OXCT1: variants seen among roughly 807,000 people sequenced by gnomAD.
The protein encoded by OXCT1 is succinyl-CoA:3-ketoacid coenzyme A transferase 1, mitochondrial.
In OXCT1, 27 loss-of-function variants were observed where a neutral mutation model predicts 69.6. That is an observed-to-expected ratio of 0.39 (90% CI 0.29 to 0.54). The LOEUF is 0.54. Among genes scored for constraint, OXCT1 ranks in the 20% least tolerant of loss-of-function variants. The probability of loss-of-function intolerance (pLI) is 0.72; values close to 1 mark genes in which losing one functional copy is unlikely to be tolerated. For missense variants in OXCT1, 437 were observed against 650.2 expected, an observed-to-expected ratio of 0.67 and a Z score of 3.57; for synonymous variants, 202 against 217.8, an observed-to-expected ratio of 0.93 and a Z score of 0.64.
chr5:41,845,352 A>G (rs920466203), intron 5 of OXCT1, among the ~76,000 whole-genome samples: 2 of 152,178 alleles, frequency 1.3e-5, no homozygotes, highest in Non-Finnish European at 1.5e-5. Flanking sequence ...GCCAGTGATA[A>G]TTAATTCTCT....
intron 3 of OXCT1, among the ~76,000 whole-genome samples, chr5:41,858,283 A>G (rs1398377651): frequency 1.3e-5 from 2 of 152,224 alleles, no homozygotes; most frequent in Non-Finnish European, 2.9e-5. Context: ...CTTACCTATT[A>G]TCAGACATTG....
intron 9 of OXCT1, among the ~76,000 whole-genome samples, chr5:41,804,195 T>C (rs1023817531): frequency 3.9e-5 from 6 of 152,134 alleles, no homozygotes; most frequent in Non-Finnish European, 2.9e-5. Context: ...CAGTCTAGTA[T>C]AGTGTTATTT....
chr5:41,795,166 T>C (rs1489163881), intron 11 of OXCT1, among the ~76,000 whole-genome samples: 1 of 152,138 alleles, frequency 6.6e-6, no homozygotes, highest in East Asian at 1.9e-4. Flanking sequence ...AGATCCCTCA[T>C]ATGCACAGTT....
intron 13 of OXCT1, among the ~76,000 whole-genome samples, chr5:41,787,884 A>G (rs1015560214): frequency 2.6e-5 from 4 of 152,088 alleles, no homozygotes; most frequent in Non-Finnish European, 5.9e-5. Context: ...AATTTGTGCT[A>G]CAACAAACAT....
At position 41,812,296 on chromosome 5, in the gene OXCT1, AAAGAG is replaced by A. The variant is rs1245407894; in HGVS notation, c.733-4863_733-4859del. On this transcript the variant is annotated intron_variant, in intron 7 of 16. Transcript: ENST00000196371. The stretch of plus-strand genomic sequence containing the variant: ...GAAAAAAATTCAGTAAGTTCAGAGA[AAAGAG>A]AAGCAGGATCAAGAGGTCAGAAACT... Among the ~76,000 whole-genome samples the A allele has an allele frequency of 6.6e-5, 10 of 152,218 alleles. No individual in the cohort carries two copies. The East Asian group carries it at 1.9e-3, about 29-fold the overall frequency.
At chr5:41,793,702 T>C (rs1746041324) in intron 13 of OXCT1, among the ~76,000 whole-genome samples, 1 of 152,268 alleles carries the variant, frequency 6.6e-6, no homozygotes, top group Admixed American at 6.5e-5. Flanking sequence ...TAAATATTTG[T>C]ATTTCTTATT....
At chr5:41,756,985 G>A (rs1744108024) in intron 14 of OXCT1, among the ~76,000 whole-genome samples, 1 of 152,016 alleles carries the variant, frequency 6.6e-6, no homozygotes. Flanking sequence ...TGGCAAAGCA[G>A]GGGGAGTCTA....
chr5:41,817,230 A>T (rs929103831), intron 7 of OXCT1, among the ~76,000 whole-genome samples: 2 of 151,782 alleles, frequency 1.3e-5, no homozygotes, highest in Non-Finnish European at 2.9e-5. Context: ...GCCTTCCTAT[A>T]GTTAAAAAAA....
rs1253700036 is a variant in OXCT1 at position 41,731,668 on chromosome 5, T to C, written c.*61A>G. ...ACACAATTATGATTATTGATGTCCTTTCAATTAAATCTTGTGTGTTTAAAA... is the reference window on the plus strand; with the variant it reads ...ACACAATTATGATTATTGATGTCCTCTCAATTAAATCTTGTGTGTTTAAAA... On this transcript the variant is annotated 3_prime_UTR_variant, in exon 17 of 17. Transcript: ENST00000196371. 1 of 1,562,414 alleles carries C rather than the reference T, an allele frequency of 6.4e-7. No individual in the cohort carries two copies. The highest frequency in any genetic ancestry group is 8.7e-7 in the Non-Finnish European group (1 of 1,151,022).
intron 7 of OXCT1, among the ~76,000 whole-genome samples, chr5:41,817,290 GA>G (rs1747295904): frequency 6.6e-6 from 1 of 152,092 alleles, no homozygotes; most frequent in African/African-American, 2.4e-5. Flanking sequence ...AGAAGACATC[GA>G]TTTGTGGTTT....
At chr5:41,828,990 G>C (rs1321662468) in intron 7 of OXCT1, among the ~76,000 whole-genome samples, 1 of 152,014 alleles carries the variant, frequency 6.6e-6, no homozygotes, top group African/African-American at 2.4e-5. Context: ...ATCCTTGTAA[G>C]TAATAACTGT....
chr5:41,763,503 T>C (rs796997425), intron 13 of OXCT1, among the ~76,000 whole-genome samples: 8 of 152,248 alleles, frequency 5.3e-5, no homozygotes, highest in African/African-American at 1.9e-4. Flanking sequence ...AATATTTCTG[T>C]AGAGAACATT....
intron 10 of OXCT1, among the ~76,000 whole-genome samples, chr5:41,801,966 G>A (rs1040077412): frequency 2.6e-5 from 4 of 151,790 alleles, no homozygotes; most frequent in African/African-American, 7.3e-5. Context: ...ACTTTCTAGA[G>A]AGGGACCAAA....
intron 1 of OXCT1, among the ~76,000 whole-genome samples, chr5:41,866,014 T>C (rs1236580545): frequency 7.9e-6 from 1 of 125,788 alleles, no homozygotes; most frequent in Non-Finnish European, 1.6e-5. Context: ...TTTTTATATG[T>C]ACAGTAGACC....
intron 7 of OXCT1, among the ~76,000 whole-genome samples, chr5:41,819,305 G>A (rs1747411093): frequency 6.6e-6 from 1 of 151,198 alleles, no homozygotes; most frequent in African/African-American, 2.4e-5. Context: ...CTTTCAGGAG[G>A]GAGTATCACG....
At chr5:41,758,925 T>G (rs1744213934) in intron 14 of OXCT1, among the ~76,000 whole-genome samples, 1 of 152,092 alleles carries the variant, frequency 6.6e-6, no homozygotes, top group African/African-American at 2.4e-5. Context: ...AGCCAGTCAC[T>G]GGGTTTATCT....
At chr5:41,748,065 T>A (rs1743591472) in intron 15 of OXCT1, among the ~76,000 whole-genome samples, 2 of 152,218 alleles carry the variant, frequency 1.3e-5, no homozygotes, top group East Asian at 3.9e-4. Flanking sequence ...CAAAAGTTTT[T>A]AAAATGATAG....
In OXCT1 at chr5:41,762,061, T is replaced by C; in HGVS notation, c.1338+50A>G. 8.2e-7 allele frequency: 1 copy of C among 1,219,218 alleles called. No individual in the cohort carries two copies. Among genetic ancestry groups the C allele is most frequent in the South Asian group, 1.2e-5 (1 of 83,396 alleles). The allele number at this position is 1,219,218 out of a possible 1,614,324, so 75.5% of individuals were successfully genotyped here. A position where few individuals can be genotyped will look rare whatever the true frequency, so the allele number is the denominator to read the frequency against. On this transcript the variant is annotated intron_variant, in intron 14 of 16. Coordinates refer to ENST00000196371, the MANE Select transcript of OXCT1 (RefSeq NM_000436.4). The surrounding 1 kb of genome is among the most constrained non-coding windows in gnomAD (Gnocchi z 4.0). ...GACCTGGTGGTACACTGGGTTTTGA[T>C]GTATTGCAAATTTCCAAAAGCAGTA...
chr5:41,820,688 C>G (rs1195184627), intron 7 of OXCT1, among the ~76,000 whole-genome samples: 1 of 152,118 alleles, frequency 6.6e-6, no homozygotes, highest in East Asian at 1.9e-4. Flanking sequence ...TCCATGTTTT[C>G]TCTCAAGTCT....
Sources: gnomAD v4.1 joint callset for allele counts (sites outside exome capture counted in the v4.1 genomes callset) on GRCh38, gnomAD v4.1.1 for gene constraint, Gnocchi (gnomAD v3.1) non-coding constraint, MANE v1.5 for transcripts, NCBI Gene and HGNC (gene_info 2026-07-23, HGNC 2026-07-21) for gene names.